MB21D2: variants seen among roughly 807,000 people sequenced by gnomAD.
The protein encoded by MB21D2 is nucleotidyltransferase MB21D2.
In MB21D2, 9 loss-of-function variants were observed where a neutral mutation model predicts 33.3. That is an observed-to-expected ratio of 0.27 (90% CI 0.16 to 0.47). MB21D2 has a LOEUF of 0.47. Among genes scored for constraint, MB21D2 ranks in the 20% least tolerant of loss-of-function variants. The pLI, the probability that MB21D2 is intolerant of heterozygous loss-of-function variation, is 0.99. For missense variants in MB21D2, 540 were observed against 624.6 expected, an observed-to-expected ratio of 0.86 and a Z score of 1.44; for synonymous variants, 241 against 236.3, an observed-to-expected ratio of 1.02 and a Z score of -0.18.
intron 1 of MB21D2, among the ~76,000 whole-genome samples, chr3:192,909,605 C>T (rs886261261): frequency 6.6e-6 from 1 of 152,090 alleles, no homozygotes; most frequent in African/African-American, 2.4e-5. Context: ...AGGTTCCATG[C>T]TGTTTCCATG....
At chr3:192,843,960 G>C (rs997361527) in intron 1 of MB21D2, among the ~76,000 whole-genome samples, 1 of 152,084 alleles carries the variant, frequency 6.6e-6, no homozygotes, top group African/African-American at 2.4e-5. Flanking sequence ...ACTTGGGCCA[G>C]AGCACCTGTC....
At chr3:192,819,339 A>G (rs370874941) in intron 1 of MB21D2, among the ~76,000 whole-genome samples, 6 of 152,360 alleles carry the variant, frequency 3.9e-5, no homozygotes, top group African/African-American at 1.4e-4. Context: ...GGGTTGCCTG[A>G]ATCCAAAACA....
At chr3:192,894,451 G>T (rs1445329562) in intron 1 of MB21D2, among the ~76,000 whole-genome samples, 1 of 152,110 alleles carries the variant, frequency 6.6e-6, no homozygotes, top group Non-Finnish European at 1.5e-5. Context: ...GTAGAACGTG[G>T]TTTCCGCAGC....
intron 1 of MB21D2, among the ~76,000 whole-genome samples, chr3:192,908,825 G>C (rs1170513762): frequency 6.6e-6 from 1 of 152,136 alleles, no homozygotes; most frequent in Non-Finnish European, 1.5e-5. Context: ...GTCATCTGTA[G>C]AACCTGGGAC....
In MB21D2 at chr3:192,897,538, GA is replaced by G. The variant is rs565146787; in HGVS notation, c.211+20091del. Among the ~76,000 whole-genome samples the G allele has an allele frequency of 3.7e-4, 56 of 152,290 alleles. 1 individual carries two copies. The East Asian group carries it at 9.6e-3, about 26-fold the overall frequency. ...AGTCCGGGTGATTATGGCCATATAG[GA>G]AATCACGTCTAGTTCTTCTCATTTT... On this transcript the variant is annotated intron_variant, in intron 1 of 1. Transcript: ENST00000392452.
At chr3:192,844,429 C>T (rs760178057) in intron 1 of MB21D2, among the ~76,000 whole-genome samples, 44 of 152,336 alleles carry the variant, frequency 2.9e-4, no homozygotes, top group Non-Finnish European at 5.9e-4. Context: ...CTTCCCAAAA[C>T]CTCTGCCAAT....
chr3:192,839,948 T>C (rs988200987), intron 1 of MB21D2, among the ~76,000 whole-genome samples: 2 of 150,746 alleles, frequency 1.3e-5, no homozygotes, highest in East Asian at 1.9e-4. Context: ...TGGAGAAGCA[T>C]GTAACATGAA....
chr3:192,811,450 T>C (rs1711785593), intron 1 of MB21D2, among the ~76,000 whole-genome samples: 1 of 152,154 alleles, frequency 6.6e-6, no homozygotes, highest in Non-Finnish European at 1.5e-5. Flanking sequence ...CAACTGGCCA[T>C]GAGGAGCCTG....
At chr3:192,851,801 A>G (rs1044046995) in intron 1 of MB21D2, among the ~76,000 whole-genome samples, 6 of 152,100 alleles carry the variant, frequency 3.9e-5, no homozygotes, top group Non-Finnish European at 7.4e-5. Context: ...TGCCTGGCCG[A>G]TTTTTAAAAG....
intron 1 of MB21D2, among the ~76,000 whole-genome samples, chr3:192,900,093 G>A (rs371633852): frequency 6.6e-6 from 1 of 151,762 alleles, no homozygotes; most frequent in South Asian, 2.1e-4. Context: ...GACCATCCTG[G>A]CTAACACAGT....
chr3:192,863,214 A>C (rs1162603272), intron 1 of MB21D2, among the ~76,000 whole-genome samples: 1 of 152,148 alleles, frequency 6.6e-6, no homozygotes, highest in Non-Finnish European at 1.5e-5. Flanking sequence ...GCAAGGAAAA[A>C]TTCTCCCCTA....
At chr3:192,833,193 G>A (rs1297717947) in intron 1 of MB21D2, among the ~76,000 whole-genome samples, 1 of 152,040 alleles carries the variant, frequency 6.6e-6, no homozygotes, top group Non-Finnish European at 1.5e-5. Context: ...TCCCCTCGTG[G>A]CAATCCCTTG....
chr3:192,910,179 A>T (rs573315361), intron 1 of MB21D2, among the ~76,000 whole-genome samples: 1 of 151,226 alleles, frequency 6.6e-6, no homozygotes, highest in Non-Finnish European at 1.5e-5. Context: ...AAATAATAGA[A>T]TAGAGGTGGG....
intron 1 of MB21D2, among the ~76,000 whole-genome samples, chr3:192,909,984 AAAGAGCCT>A (rs1293820042): frequency 1.3e-5 from 2 of 150,162 alleles, no homozygotes; most frequent in East Asian, 1.9e-4. Context: ...GAGAGAGAGA[AAAGAGCCT>A]AAGAGCCTAA....
At chr3:192,805,111 C>T (rs1711635790) in intron 1 of MB21D2, among the ~76,000 whole-genome samples, 1 of 152,208 alleles carries the variant, frequency 6.6e-6, no homozygotes, top group Non-Finnish European at 1.5e-5. Context: ...ACACATATGT[C>T]CTGATCTCCC....
chr3:192,851,744 C>G (rs1426950229), intron 1 of MB21D2, among the ~76,000 whole-genome samples: 1 of 152,124 alleles, frequency 6.6e-6, no homozygotes, highest in Non-Finnish European at 1.5e-5. Flanking sequence ...AAGTGATCCC[C>G]CTGACTCGGC....
chr3:192,844,718 C>T (rs1442902785), intron 1 of MB21D2, among the ~76,000 whole-genome samples: 1 of 152,206 alleles, frequency 6.6e-6, no homozygotes, highest in African/African-American at 2.4e-5. Context: ...GGAAATGCTT[C>T]AACACCCTTT....
At chr3:192,912,038 T>C (rs1030084388) in intron 1 of MB21D2, among the ~76,000 whole-genome samples, 2 of 152,158 alleles carry the variant, frequency 1.3e-5, no homozygotes, top group Non-Finnish European at 2.9e-5. Context: ...AAGGTAGGGC[T>C]TCAAAATTAC....
chr3:192,820,807 C>T (rs1338908636), intron 1 of MB21D2, among the ~76,000 whole-genome samples: 1 of 152,204 alleles, frequency 6.6e-6, no homozygotes, highest in African/African-American at 2.4e-5. Context: ...CTCTGTCACC[C>T]AGGCTGAAAT....
Sources: allele counts gnomAD v4.1 joint callset (sites outside exome capture counted in the v4.1 genomes callset), GRCh38; gene constraint gnomAD v4.1.1; transcripts MANE v1.5; gene names NCBI Gene and HGNC (gene_info 2026-07-23, HGNC 2026-07-21).